The following USP2 variants were observed in gnomAD, a reference collection of about 807,000 sequenced individuals.
USP2 encodes ubiquitin specific peptidase 2.
Under a neutral mutation model 72.0 loss-of-function variants are expected in USP2, and 33 were observed. The observed-to-expected ratio is 0.46, with a 90% CI of 0.35 to 0.61. The LOEUF is 0.61. USP2 is among the 20% of genes least tolerant of loss of function. USP2 has a pLI of 0.01. For synonymous variants in USP2, 296 were observed against 312.5 expected (o/e 0.95, Z 0.56); for missense variants, 691 against 797.8 (o/e 0.87, Z 1.61).
At chr11:119,358,567 T>C in intron 7 of USP2, 2 of 648,796 alleles carry the variant, frequency 3.1e-6, no homozygotes, top group South Asian at 3.8e-5. Context: ...CTACCCGCCT[T>C]GGCCTCCCAA....
intron 6 of USP2, 68 bp downstream of exon 6, chr11:119,358,955 CA>C (rs1361344402): frequency 1.5e-5 from 24 of 1,585,054 alleles, no homozygotes; most frequent in Non-Finnish European, 1.7e-5. Flanking sequence ...TCATTAACCC[CA>C]AAGTGGTGGG....
intron 2 of USP2, among the ~76,000 whole-genome samples, chr11:119,370,042 G>A (rs1591329386): frequency 6.6e-6 from 1 of 152,148 alleles, no homozygotes; most frequent in African/African-American, 2.4e-5. Flanking sequence ...TGGTGTGGTG[G>A]TACACGCCTG....
intron 2 of USP2, among the ~76,000 whole-genome samples, chr11:119,369,302 C>T (rs1950896610): frequency 6.6e-6 from 1 of 152,084 alleles, no homozygotes; most frequent in Admixed American, 6.5e-5. Context: ...GCCCCTGCCC[C>T]CCGCCAGCTC....
rs1416889146 is a variant in USP2, at chr11:119,363,534, C to G, written c.775-3300G>C. ...CCTCGCACACCGATCGAGACCCAGT[C>G]AAGGTTATGCTTTCCTGCACCTGTC... On this transcript the variant is annotated intron_variant, in intron 2 of 12. Coordinates refer to ENST00000260187, the MANE Select transcript of USP2 (RefSeq NM_004205.5). Among the ~76,000 whole-genome samples, 7 of 152,006 alleles carry G rather than the reference C, an allele frequency of 4.6e-5. No homozygotes were observed. In the East Asian group the frequency reaches 1.2e-3, roughly 25 times the overall value.
chr11:119,380,063 C>T (rs907861638), intron 1 of USP2, among the ~76,000 whole-genome samples: 18 of 151,788 alleles, frequency 1.2e-4, no homozygotes. Context: ...TACAGGCTCC[C>T]GCCAGCACGC....
Position 119,356,825 on chromosome 11 carries a change from G to A in USP2, c.*10C>T, listed in dbSNP as rs1181678025. ...CCACGGGGAAGGGAGAAGGGACGTG[G>A]CTCCTGGCGCTACATTCGGGAGGGC... On this transcript the variant is annotated 3_prime_UTR_variant, in exon 13 of 13. Coordinates refer to ENST00000260187, the MANE Select transcript of USP2 (RefSeq NM_004205.5). 6.4e-7 allele frequency: 1 copy of A among 1,556,958 alleles called. No individual in the cohort carries two copies. The highest frequency in any genetic ancestry group is 8.7e-7 in the Non-Finnish European group (1 of 1,150,410).
intron 2 of USP2, among the ~76,000 whole-genome samples, chr11:119,362,602 G>C (rs1454946433): frequency 6.6e-6 from 1 of 152,154 alleles, no homozygotes; most frequent in East Asian, 1.9e-4. Context: ...AGGAGCTCCA[G>C]GGAAAGTCAG....
At chr11:119,379,057 G>A in intron 1 of USP2, 1 of 985,598 alleles carries the variant, frequency 1.0e-6, no homozygotes, top group Non-Finnish European at 1.2e-6. Flanking sequence ...TTCCCCAGCA[G>A]GGCAGGGAAT....
chr11:119,357,770 C>T lies in USP2; in HGVS notation c.1488G>A (p.Lys496=). ...IKKFSIQRFP[K]ILVLHLKRFS... is the part of the protein sequence containing the mutation. Reference sequence around the variant, plus strand: ...TCTTAAGGATACGGAGCACCAAGATCTTTGGGAACCTCTGGATGGAGAACT... The same window carrying T: ...TCTTAAGGATACGGAGCACCAAGATTTTTGGGAACCTCTGGATGGAGAACT... Residue 496 remains lysine, a synonymous_variant, in exon 10 of 13, where the codon AAG becomes AAA. Coordinates refer to ENST00000260187, the MANE Select transcript of USP2 (RefSeq NM_004205.5). 1.2e-6 allele frequency: 2 copies of T among 1,613,974 alleles called. No homozygotes were observed. Among genetic ancestry groups the T allele is most frequent in the South Asian group, 2.2e-5 (2 of 91,080 alleles).
At chr11:119,360,430 T>TA in intron 2 of USP2, 196 bp from the exon 3 acceptor site, 1 of 638,838 alleles carries the variant, frequency 1.6e-6, no homozygotes, top group East Asian at 3.1e-5. Flanking sequence ...TTCTTTTCTT[T>TA]TTTTTTTTTT....
At chr11:119,380,627 T>C (rs1291748814) in intron 1 of USP2, 1 of 152,740 alleles carries the variant, frequency 6.5e-6, no homozygotes, top group African/African-American at 2.4e-5. Context: ...CACCCTGTCT[T>C]AGCACAGGCT....
chr11:119,373,664 C>G (rs1950965480), intron 1 of USP2, 143 bp from the exon 2 acceptor site: 1 of 791,426 alleles, frequency 1.3e-6, no homozygotes. Context: ...GAGAAGCACA[C>G]ATGCACGCAG....
chr11:119,357,458 G>C (rs1950685630), intron 11 of USP2, 25 bp downstream of exon 11: 1 of 1,613,512 alleles, frequency 6.2e-7, no homozygotes, highest in Non-Finnish European at 8.5e-7. Context: ...TCTTCATTCT[G>C]CCCTGCCTAC....
intron 2 of USP2, chr11:119,364,226 C>T: frequency 9.1e-7 from 1 of 1,100,486 alleles, no homozygotes; most frequent in Non-Finnish European, 1.1e-6. Context: ...CCGCCGGCGC[C>T]TCGGGCCCCG....
intron 10 of USP2, 49 bp from the exon 11 acceptor site, chr11:119,357,639 A>G: frequency 6.2e-7 from 1 of 1,613,916 alleles, no homozygotes; most frequent in South Asian, 1.1e-5. Flanking sequence ...AGAAGGGCAG[A>G]CAACAAAAGG....
At chr11:119,369,064 A>G (rs1412994395) in intron 2 of USP2, among the ~76,000 whole-genome samples, 1 of 152,162 alleles carries the variant, frequency 6.6e-6, no homozygotes, top group Non-Finnish European at 1.5e-5. Flanking sequence ...GGGTCTCTGC[A>G]GGGCTGAGCC....
At chr11:119,363,922 A>G in intron 2 of USP2, 1 of 964,284 alleles carries the variant, frequency 1.0e-6, no homozygotes, top group Non-Finnish European at 1.3e-6. Context: ...GCGCGGCCGC[A>G]GCTCCTTGGC....
intron 6 of USP2, 86 bp from the exon 7 acceptor site, chr11:119,358,923 A>C: frequency 6.3e-7 from 1 of 1,592,138 alleles, no homozygotes; most frequent in Admixed American, 1.7e-5. Context: ...CATCTTCAAA[A>C]GTAAATCAGA....
In USP2 at chr11:119,380,561, C is replaced by G. The variant is rs377533523; in HGVS notation, c.-42+912G>C. 3.9e-5 allele frequency among the ~76,000 whole-genome samples: 6 copies of G among 152,114 alleles called. No individual in the cohort carries two copies. In the East Asian group the frequency reaches 1.2e-3, roughly 30 times the overall value. Reference sequence around the variant, plus strand: ...TGGCCTTGGTGCACTTGTCTGCTCCCAGGACGTTTCTCGATGGCTCTCCCC... The same window carrying G: ...TGGCCTTGGTGCACTTGTCTGCTCCGAGGACGTTTCTCGATGGCTCTCCCC... On this transcript the variant is annotated intron_variant, in intron 1 of 12. Transcript: ENST00000260187.
Sources: allele counts gnomAD v4.1 joint callset (sites outside exome capture counted in the v4.1 genomes callset), GRCh38; gene constraint gnomAD v4.1.1; transcripts MANE v1.5; gene names NCBI Gene and HGNC (gene_info 2026-07-23, HGNC 2026-07-21).